Variants in SLC6A3 observed in about 807,000 individuals in gnomAD.
SLC6A3 encodes the protein sodium-dependent dopamine transporter.
A neutral mutation model predicts 70.4 loss-of-function variants in SLC6A3; 19 were observed. The ratio of observed to expected loss-of-function variants is 0.27; its 90% CI spans 0.19 to 0.40. The LOEUF (loss-of-function observed/expected upper bound fraction) is 0.40, where lower values mean the gene tolerates loss of function less well. Among genes scored for constraint, SLC6A3 ranks in the 10% least tolerant of loss-of-function variants. SLC6A3 has a pLI of 1.00. For synonymous variants in SLC6A3, 368 were observed against 356.6 expected (o/e 1.03, Z -0.36); for missense variants, 613 against 838.5 (o/e 0.73, Z 3.32).
At chr5:1,431,663 G>A (rs1756708599) in intron 4 of SLC6A3, among the ~76,000 whole-genome samples, 1 of 151,832 alleles carries the variant, frequency 6.6e-6, no homozygotes, top group Non-Finnish European at 1.5e-5. Context: ...AGTGAGCGAG[G>A]GGCCTGGCTG....
intron 14 of SLC6A3, among the ~76,000 whole-genome samples, chr5:1,399,495 G>C (rs1159739224): frequency 6.6e-6 from 1 of 152,224 alleles, no homozygotes; most frequent in Non-Finnish European, 1.5e-5. Context: ...TAATGTGACA[G>C]GAAGCACAGC....
At position 1,401,263 on chromosome 5, in the gene SLC6A3, C is replaced by T; in HGVS notation, c.1768-277G>A. On this transcript the variant is annotated intron_variant, in intron 13 of 14. Transcript: ENST00000270349. The surrounding 1 kb of genome is among the most constrained non-coding windows in gnomAD (Gnocchi z 6.1). ...AGAGCAGAACATCAGCATTTGAGCA[C>T]TCGCTTGAAAATAAAACGTGGTCCT... The T allele has an allele frequency of 1.5e-6, 1 of 658,456 alleles. No individual in the cohort carries two copies. The highest frequency in any genetic ancestry group is 2.8e-6 in the Non-Finnish European group (1 of 356,636). 40.8% of individuals were successfully genotyped at this position (658,456 alleles called of 1,614,324 possible). A position where few individuals can be genotyped will look rare whatever the true frequency, so the allele number is the denominator to read the frequency against.
chr5:1,414,617 A>G, intron 8 of SLC6A3, 74 bp downstream of exon 8: 1 of 1,558,102 alleles, frequency 6.4e-7, no homozygotes, highest in Non-Finnish European at 8.7e-7. Flanking sequence ...CTCTTTCACA[A>G]GGAAAAAGGC....
intron 4 of SLC6A3, 102 bp downstream of exon 4, chr5:1,432,362 G>A (rs770363440): frequency 1.7e-5 from 14 of 827,796 alleles, no homozygotes; most frequent in East Asian, 1.3e-4. Context: ...CCCCCTCCCC[G>A]CACCCTGGGA....
At chr5:1,424,961 C>G (rs115909911) in intron 4 of SLC6A3, among the ~76,000 whole-genome samples, 46 of 152,362 alleles carry the variant, frequency 3.0e-4, no homozygotes, top group African/African-American at 1.1e-3. Context: ...CGTCTCCCAG[C>G]ATGTCCATGC....
Position 1,414,829 on chromosome 5 carries a change from A to G in SLC6A3, c.1032-14T>C, listed in dbSNP as rs375742593. On this transcript the variant is annotated splice_polypyrimidine_tract_variant and intron_variant, in intron 7 of 14. Coordinates refer to ENST00000270349, the MANE Select transcript of SLC6A3 (RefSeq NM_001044.5). The stretch of plus-strand genomic sequence containing the variant: ...ACAATCGCGTCCCTGTAAGAACAAG[A>G]CACGCCGTCTCAGGAACCAGCTGAG... 224 of 1,612,646 alleles carry G rather than the reference A, an allele frequency of 1.4e-4. No individual in the cohort carries two copies. Among genetic ancestry groups the G allele is most frequent in the Middle Eastern group, 8.2e-4 (5 of 6,080 alleles).
At position 1,393,563 on chromosome 5, in the gene SLC6A3, G is replaced by T. The variant is rs1224581660; in HGVS notation, c.*1172C>A. ...CACGGCTCAAGGCCAGGCAGAGTGT[G>T]GTCTGCAGGCTGCCTGCATGGGGGC... On this transcript the variant is annotated 3_prime_UTR_variant, in exon 15 of 15. Coordinates refer to ENST00000270349, the MANE Select transcript of SLC6A3 (RefSeq NM_001044.5). 1.3e-5 allele frequency: 2 copies of T among 154,496 alleles called. No individual in the cohort carries two copies. The highest frequency in any genetic ancestry group is 2.9e-5 in the Non-Finnish European group (2 of 68,286). 9.6% of individuals were successfully genotyped at this position (154,496 alleles called of 1,614,324 possible). A position where few individuals can be genotyped will look rare whatever the true frequency, so the allele number is the denominator to read the frequency against.
At chr5:1,418,633 C>G (rs1025340917) in intron 6 of SLC6A3, among the ~76,000 whole-genome samples, 9 of 150,722 alleles carry the variant, frequency 6.0e-5, no homozygotes, top group African/African-American at 2.2e-4. Flanking sequence ...CATCATCGAT[C>G]CATCCATCCA....
chr5:1,433,456 T>C (rs1290065741), intron 3 of SLC6A3, among the ~76,000 whole-genome samples: 1 of 152,118 alleles, frequency 6.6e-6, no homozygotes, highest in Non-Finnish European at 1.5e-5. Flanking sequence ...CAGGGCCACT[T>C]TGAGTCGCAA....
At chr5:1,414,414 GGCAGGGCGGAGAAGGCAC>G (rs1560912809) in intron 8 of SLC6A3, among the ~76,000 whole-genome samples, 5 of 147,380 alleles carry the variant, frequency 3.4e-5, no homozygotes, top group East Asian at 3.9e-4. Context: ...GGCCTGGAGG[GGCAGGGCGGAGAAGGCAC>G]TGGGTGGGGG....
intron 6 of SLC6A3, 194 bp from the exon 7 acceptor site, chr5:1,416,395 G>A (rs1260368714): frequency 6.4e-6 from 4 of 629,638 alleles, no homozygotes; most frequent in Non-Finnish European, 1.1e-5. Flanking sequence ...CAGCGGCCTG[G>A]AAGAGCCTGA....
rs577923022 is a variant in SLC6A3 at position 1,419,942 on chromosome 5, C to G, written c.927+627G>C. 2.6e-5 allele frequency among the ~76,000 whole-genome samples: 4 copies of G among 152,312 alleles called. No homozygotes were observed. In the South Asian group the frequency reaches 8.3e-4, roughly 32 times the overall value. ...TTCTCCCCTTCCTTCCCACTTCTGC[C>G]TTGGGTTTACACTTGCCTCATGACC... On this transcript the variant is annotated intron_variant, in intron 6 of 14. Coordinates refer to ENST00000270349, the MANE Select transcript of SLC6A3 (RefSeq NM_001044.5).
rs1162766909 is a variant in SLC6A3 at position 1,396,970 on chromosome 5, T to C, written c.1840-2212A>G. ...CAGGCAGTTTCCACAGTGCCTAGTT[T>C]TCCTGCTGTGGGCTCACAAGGGTCT... On this transcript the variant is annotated intron_variant, in intron 14 of 14. Transcript: ENST00000270349. This position sits in a 1 kb window ranked among gnomAD's most constrained non-coding sequence, Gnocchi z 7.0. Among the ~76,000 whole-genome samples the C allele has an allele frequency of 6.6e-6, 1 of 152,210 alleles. No individual in the cohort carries two copies. Among genetic ancestry groups the C allele is most frequent in the Non-Finnish European group, 1.5e-5 (1 of 68,038 alleles).
rs1732085454 is a variant in SLC6A3 at position 1,394,478 on chromosome 5, G to A, written c.*257C>T. 1 of 603,704 alleles carries A rather than the reference G, an allele frequency of 1.7e-6. No individual in the cohort carries two copies. The highest frequency in any genetic ancestry group is 2.6e-5 in the Admixed American group (1 of 37,950). The allele number at this position is 603,704 out of a possible 1,614,324, so 37.4% of individuals were successfully genotyped here. A position where few individuals can be genotyped will look rare whatever the true frequency, so the allele number is the denominator to read the frequency against. On this transcript the variant is annotated 3_prime_UTR_variant, in exon 15 of 15. Coordinates refer to ENST00000270349, the MANE Select transcript of SLC6A3 (RefSeq NM_001044.5). The surrounding 1 kb of genome is among the most constrained non-coding windows in gnomAD (Gnocchi z 4.7). ...AAGTTAGACGTTTTTCTGCCCTGCA[G>A]GGACAACAACGGGGTGGACCTCGCT... is the stretch of plus-strand genomic sequence containing the variant.
Position 1,411,266 on chromosome 5 carries a change from G to A in SLC6A3, c.1246C>T (p.Leu416Phe), listed in dbSNP as rs756571192. 5.8e-6 allele frequency: 9 copies of A among 1,552,366 alleles called. No individual in the cohort carries two copies. The South Asian group carries it at 9.5e-5, about 16-fold the overall frequency. Residue 416 changes from leucine to phenylalanine, a missense_variant, in exon 9 of 15, where the codon CTC becomes TTC. Around this residue, in one of 4 missense-constraint regions of SLC6A3, gnomAD observed 348 missense variants for 481.2 expected, o/e 0.72. Coordinates refer to ENST00000270349, the MANE Select transcript of SLC6A3 (RefSeq NM_001044.5). This position sits in a 1 kb window ranked among gnomAD's most constrained non-coding sequence, Gnocchi z 6.5. The stretch of plus-strand genomic sequence containing the variant: ...ACGGCGCTGTCGATACCCAGGGTGA[G>A]CAGCATGATGAAGAAGACCACGGCC... ...AWAVVFFIML[L>F]TLGIDSAMGG...
chr5:1,437,983 A>G lies in SLC6A3; in HGVS notation c.418+3376T>C, dbSNP rs1014481470. Among the ~76,000 whole-genome samples, 10 of 152,250 alleles carry G rather than the reference A, an allele frequency of 6.6e-5. No individual in the cohort carries two copies. The highest frequency in any genetic ancestry group is 2.2e-4 in the African/African-American group (9 of 41,472). Reference sequence around the variant, plus strand: ...AGGGTGCCGGGGGTGCATGGTGTACATCTGATTTCATAAGCAATGTCAGTC... The same window carrying G: ...AGGGTGCCGGGGGTGCATGGTGTACGTCTGATTTCATAAGCAATGTCAGTC... On this transcript the variant is annotated intron_variant, in intron 3 of 14. Transcript: ENST00000270349. This position sits in a 1 kb window ranked among gnomAD's most constrained non-coding sequence, Gnocchi z 4.8.
chr5:1,400,842 G>A lies in SLC6A3; in HGVS notation c.1839+73C>T, dbSNP rs1560905195. 5.3e-6 allele frequency: 6 copies of A among 1,136,556 alleles called. No individual in the cohort carries two copies. In the East Asian group the frequency reaches 7.7e-5, roughly 15 times the overall value. 70.4% of individuals were successfully genotyped at this position (1,136,556 alleles called of 1,614,324 possible). On this transcript the variant is annotated intron_variant, in intron 14 of 14. Transcript: ENST00000270349. ...TCTACACCAGCCTCGGAGCCCCCTGGGGGCTAAGAACACTGAGCTTGGGAT... is the reference window on the plus strand; with the variant it reads ...TCTACACCAGCCTCGGAGCCCCCTGAGGGCTAAGAACACTGAGCTTGGGAT...
Position 1,406,650 on chromosome 5 carries a change from A to G in SLC6A3, c.1499-362T>C, listed in dbSNP as rs1292731324. On this transcript the variant is annotated intron_variant, in intron 11 of 14. Coordinates refer to ENST00000270349, the MANE Select transcript of SLC6A3 (RefSeq NM_001044.5). The surrounding 1 kb of genome is among the most constrained non-coding windows in gnomAD (Gnocchi z 8.8). ...TTAAAAAGATTATGGTAAAATACAC[A>G]TAACATAAAACTTACCATTTTAGCC... is the stretch of plus-strand genomic sequence containing the variant. Among the ~76,000 whole-genome samples, 1 of 152,168 alleles carries G rather than the reference A, an allele frequency of 6.6e-6. No homozygotes were observed. The highest frequency in any genetic ancestry group is 1.5e-5 in the Non-Finnish European group (1 of 67,998).
chr5:1,423,355 C>T (rs380689), intron 4 of SLC6A3, among the ~76,000 whole-genome samples: 25,993 of 82,198 alleles, frequency 0.32, 5,762 homozygotes, highest in East Asian at 0.51. Flanking sequence ...GTGCTGCCCA[C>T]GCTGCTGGGT....
Sources: allele counts gnomAD v4.1 joint callset (sites outside exome capture counted in the v4.1 genomes callset), GRCh38; gene constraint gnomAD v4.1.1; regional missense constraint gnomAD v4.1.1; non-coding constraint Gnocchi (gnomAD v3.1); transcripts MANE v1.5; gene names NCBI Gene and HGNC (gene_info 2026-07-23, HGNC 2026-07-21).